NBEA: variants seen among roughly 807,000 people sequenced by gnomAD.
The protein encoded by NBEA is neurobeachin, also known as lysosomal-trafficking regulator 2.
In NBEA, 44 loss-of-function variants were observed where a neutral mutation model predicts 343.4. The observed-to-expected ratio is 0.13, with a 90% CI of 0.10 to 0.16. NBEA has a LOEUF of 0.16. NBEA is among the 10% of genes least tolerant of loss of function. The pLI is 1.00. For missense variants in NBEA, 2,555 were observed against 3,631.3 expected (o/e 0.70, Z 7.62); for synonymous variants, 1,175 against 1,238.7 (o/e 0.95, Z 1.08).
intron 39 of NBEA, among the ~76,000 whole-genome samples, chr13:35,442,341 G>T (rs921014174): frequency 6.6e-6 from 1 of 151,996 alleles, no homozygotes; most frequent in East Asian, 1.9e-4. Context: ...TTTTTTACAA[G>T]TAAAATGTGC....
At chr13:35,070,168 A>G (rs1181024638) in intron 9 of NBEA, 63 bp downstream of exon 9, 3 of 1,328,398 alleles carry the variant, frequency 2.3e-6, no homozygotes, top group Non-Finnish European at 3.0e-6. Flanking sequence ...TTTATTTTAT[A>G]TATCAAACAT....
intron 36 of NBEA, 82 bp from the exon 37 acceptor site, chr13:35,349,026 G>A (rs2040034434): frequency 2.0e-6 from 1 of 491,154 alleles, no homozygotes; most frequent in African/African-American, 2.0e-5. Flanking sequence ...TATATTTGAA[G>A]TACTGAAATC....
chr13:35,082,529 C>T (rs370686316), intron 10 of NBEA, among the ~76,000 whole-genome samples: 4 of 152,192 alleles, frequency 2.6e-5, no homozygotes, highest in African/African-American at 9.7e-5. Context: ...TTTACAGTCC[C>T]ACCAACAGTG....
intron 36 of NBEA, among the ~76,000 whole-genome samples, chr13:35,345,115 A>G (rs1383438312): frequency 6.6e-6 from 1 of 152,088 alleles, no homozygotes; most frequent in African/African-American, 2.4e-5. Flanking sequence ...AATTTCTAAA[A>G]ATGTCATTCA....
chr13:35,231,894 A>G (rs575718469), intron 33 of NBEA, among the ~76,000 whole-genome samples: 6 of 152,240 alleles, frequency 3.9e-5, no homozygotes, highest in Admixed American at 3.9e-4. Flanking sequence ...ACATGTACCA[A>G]AGTATTTTTA....
chr13:35,299,152 C>G (rs1566585016), intron 35 of NBEA, among the ~76,000 whole-genome samples: 2 of 151,846 alleles, frequency 1.3e-5, no homozygotes, highest in Admixed American at 6.6e-5. Context: ...ATTTTAGTGA[C>G]AGATAATGAT....
At chr13:35,314,071 T>C (rs1420577090) in intron 36 of NBEA, among the ~76,000 whole-genome samples, 1 of 152,132 alleles carries the variant, frequency 6.6e-6, no homozygotes. Context: ...GATTGGCCTT[T>C]AGTGGAAGAG....
chr13:35,241,903 T>C (rs1266247485), intron 34 of NBEA, among the ~76,000 whole-genome samples: 2 of 151,840 alleles, frequency 1.3e-5, no homozygotes, highest in African/African-American at 4.8e-5. Context: ...ATTACTCCTT[T>C]GGGGTGGAAG....
chr13:35,056,043 C>A lies in NBEA; in HGVS notation c.1006C>A (p.Arg336=). 6.2e-7 allele frequency: 1 copy of A among 1,604,324 alleles called. No homozygotes were observed. Among genetic ancestry groups the A allele is most frequent in the Non-Finnish European group, 8.5e-7 (1 of 1,174,642 alleles). Residue 336 remains arginine (R), a synonymous_variant, in exon 7 of 59, where the codon CGA becomes AGA. Coordinates refer to ENST00000379939, the MANE Select transcript of NBEA (RefSeq NM_001385012.1). ...YMISIVHIYN[R]WRNSEIRCYV... ...GATCAGCATTGTCCACATTTACAAT[C>A]GATGGAGGAACAGTGAAATTCGGTG...
At chr13:35,447,554 T>G (rs914969032) in intron 39 of NBEA, among the ~76,000 whole-genome samples, 17 of 152,210 alleles carry the variant, frequency 1.1e-4, no homozygotes, top group South Asian at 4.1e-4. Flanking sequence ...ATTTCTCACA[T>G]GATGTAGAAA....
intron 41 of NBEA, among the ~76,000 whole-genome samples, chr13:35,493,322 G>A (rs1161927353): frequency 6.6e-6 from 1 of 151,882 alleles, no homozygotes; most frequent in East Asian, 1.9e-4. Context: ...TGAGAGATTT[G>A]ATAAGCAGTT....
At chr13:35,397,896 T>C (rs190646177) in intron 38 of NBEA, among the ~76,000 whole-genome samples, 5 of 152,296 alleles carry the variant, frequency 3.3e-5, no homozygotes, top group African/African-American at 1.2e-4. Context: ...GGAGTGTCTG[T>C]AGCAATCTCT....
chr13:35,545,307 C>T (rs1028202752), intron 41 of NBEA, among the ~76,000 whole-genome samples: 1 of 152,124 alleles, frequency 6.6e-6, no homozygotes. Flanking sequence ...GCATCCCCTC[C>T]GGTCATTCTG....
At chr13:35,142,210 C>A in intron 17 of NBEA, 59 bp from the exon 18 acceptor site, 1 of 1,042,546 alleles carries the variant, frequency 9.6e-7, no homozygotes, top group Non-Finnish European at 1.5e-6. Flanking sequence ...ATCTAAAAGT[C>A]ATGTGATCGG....
At position 35,161,721 on chromosome 13, in the gene NBEA, C is replaced by T. The variant is rs760581185; in HGVS notation, c.3862-29C>T. ...TAAAATGAGGCATTTCTTTTGTATT[C>T]CACAAAAGTTCATCTTTTCCTTCTT... On this transcript the variant is annotated intron_variant, in intron 22 of 58. Coordinates refer to ENST00000379939, the MANE Select transcript of NBEA (RefSeq NM_001385012.1). The T allele has an allele frequency of 1.9e-6, 3 of 1,542,494 alleles. No individual in the cohort carries two copies. The South Asian group carries it at 3.5e-5, about 18-fold the overall frequency.
chr13:35,649,911 GTGTACT>G, intron 52 of NBEA, 64 bp downstream of exon 52: 1 of 1,260,330 alleles, frequency 7.9e-7, no homozygotes, highest in Non-Finnish European at 1.1e-6. Flanking sequence ...AAGTAAAAAA[GTGTACT>G]GGGACTGGGA....
rs1367200378 is a variant in NBEA, at chr13:35,672,101, A to G, written c.*1110A>G. 6.6e-6 allele frequency: 1 copy of G among 152,644 alleles called. No homozygotes were observed. The highest frequency in any genetic ancestry group is 2.4e-5 in the African/African-American group (1 of 41,458). 9.5% of individuals were successfully genotyped at this position (152,644 alleles called of 1,614,324 possible). On this transcript the variant is annotated 3_prime_UTR_variant, in exon 59 of 59. Coordinates refer to ENST00000379939, the MANE Select transcript of NBEA (RefSeq NM_001385012.1). ...CCACATTCTTAGCCTAAGGCATTTCATCTTTTATGATATAAAATGATGGCT... is the reference window on the plus strand; with the variant it reads ...CCACATTCTTAGCCTAAGGCATTTCGTCTTTTATGATATAAAATGATGGCT...
chr13:35,384,178 A>G (rs2152894067), intron 38 of NBEA, among the ~76,000 whole-genome samples: 1 of 152,362 alleles, frequency 6.6e-6, no homozygotes, highest in South Asian at 2.1e-4. Flanking sequence ...CATGAACAAC[A>G]TGAATATTAA....
chr13:35,059,479 T>C (rs1488669344), intron 8 of NBEA, among the ~76,000 whole-genome samples: 2 of 151,914 alleles, frequency 1.3e-5, no homozygotes, highest in Non-Finnish European at 2.9e-5. Flanking sequence ...TACATCTGGC[T>C]AGGGGAGTAT....
Sources: gnomAD v4.1 joint callset for allele counts (sites outside exome capture counted in the v4.1 genomes callset) on GRCh38, gnomAD v4.1.1 for gene constraint, MANE v1.5 for transcripts, NCBI Gene and HGNC (gene_info 2026-07-23, HGNC 2026-07-21) for gene names.